Variants in METTL9 observed in about 807,000 individuals in gnomAD.
The protein encoded by METTL9 is protein-L-histidine N-pros-methyltransferase.
In METTL9, 10 loss-of-function variants were observed where a neutral mutation model predicts 36.0. That is an observed-to-expected ratio of 0.28 (90% CI 0.17 to 0.47). The LOEUF (loss-of-function observed/expected upper bound fraction) is 0.47. Among genes scored for constraint, METTL9 ranks in the 20% least tolerant of loss-of-function variants. The pLI, the probability that METTL9 is intolerant of heterozygous loss-of-function variation, is 0.99. For synonymous variants in METTL9, 175 were observed against 149.7 expected (o/e 1.17, Z -1.23); for missense variants, 246 against 383.5 (o/e 0.64, Z 3.00).
intron 4 of METTL9, among the ~76,000 whole-genome samples, chr16:21,632,602 G>A (rs765900753): frequency 6.6e-6 from 1 of 152,160 alleles, no homozygotes; most frequent in Non-Finnish European, 1.5e-5. Flanking sequence ...CGTATTTGAA[G>A]CACTGGTCCC....
intron 4 of METTL9, among the ~76,000 whole-genome samples, chr16:21,649,976 G>T (rs1295466264): frequency 6.6e-6 from 1 of 152,056 alleles, no homozygotes; most frequent in East Asian, 1.9e-4. Context: ...TCCAAATTGG[G>T]TAGTGTTTTT....
chr16:21,622,926 A>G (rs1043668415), intron 3 of METTL9, among the ~76,000 whole-genome samples: 1 of 152,202 alleles, frequency 6.6e-6, no homozygotes, highest in African/African-American at 2.4e-5. Context: ...AATCAAATAT[A>G]TAATTTGTGT....
intron 1 of METTL9, among the ~76,000 whole-genome samples, chr16:21,601,758 T>G (rs1309051500): frequency 2.4e-5 from 3 of 127,078 alleles, no homozygotes; most frequent in Non-Finnish European, 4.9e-5. Context: ...TGTGTGTGTG[T>G]GTGTACCCCT....
Position 21,653,269 on chromosome 16 carries a change from T to TG in METTL9, c.752-1957dup, listed in dbSNP as rs1325405865. ...CCCCTGGCTAATTTTTTTTTTTTTT[T>TG]GTAGATTCTGTGTTGTCTAGGCTAG... On this transcript the variant is annotated intron_variant, in intron 4 of 4. Transcript: ENST00000358154. 4 of 151,792 alleles carry TG rather than the reference T, an allele frequency of 2.6e-5. No homozygotes were observed. The East Asian group carries it at 5.8e-4, about 22-fold the overall frequency. The allele number at this position is 151,792 out of a possible 1,614,324, so 9.4% of individuals were successfully genotyped here. A position where few individuals can be genotyped will look rare whatever the true frequency, so the allele number is the denominator to read the frequency against.
Position 21,655,233 on chromosome 16 carries a change from G to A in METTL9, c.758G>A (p.Gly253Asp), listed in dbSNP as rs1308945604. 4.3e-6 allele frequency: 7 copies of A among 1,613,430 alleles called. No individual in the cohort carries two copies. The highest frequency in any genetic ancestry group is 4.2e-6 in the Non-Finnish European group (5 of 1,179,410). Residue 253 changes from glycine (G) to aspartate (D), a missense_variant, in exon 5 of 5, where the codon GGC (glycine) becomes GAC (aspartate). Transcript: ENST00000358154. ...ATGTTCTTATTTGTATTAGTAGGTGGCAAGTGGGAGAAACCATCAGAAATT... is the reference window on the plus strand; with the variant it reads ...ATGTTCTTATTTGTATTAGTAGGTGACAAGTGGGAGAAACCATCAGAAATT... Reference protein sequence around the residue: ...PFHPYVENVGGKWEKPSEILE... With the variant: ...PFHPYVENVGDKWEKPSEILE...
upstream of METTL9, chr16:21,597,853 G>A (rs931113133): frequency 8.5e-5 from 13 of 153,016 alleles, no homozygotes; most frequent in African/African-American, 3.1e-4. Context: ...AGGACCACTA[G>A]AGGTTTGAAC....
chr16:21,641,817 T>A (rs1966279576), intron 4 of METTL9, among the ~76,000 whole-genome samples: 2 of 152,142 alleles, frequency 1.3e-5, no homozygotes, highest in South Asian at 4.1e-4. Context: ...GTCAAAATCG[T>A]GGCTGGGAGC....
chr16:21,655,210 G>A lies in METTL9; in HGVS notation c.752-17G>A. 6.2e-7 allele frequency: 1 copy of A among 1,605,042 alleles called. No individual in the cohort carries two copies. The highest frequency in any genetic ancestry group is 1.1e-5 in the South Asian group (1 of 90,820). ...TGTTTGTTCAAGAATTTAACTGAAT[G>A]TTCTTATTTGTATTAGTAGGTGGCA... On this transcript the variant is annotated splice_polypyrimidine_tract_variant and intron_variant, in intron 4 of 4. Transcript: ENST00000358154.
chr16:21,603,080 C>T (rs945786785), intron 1 of METTL9, among the ~76,000 whole-genome samples: 6 of 152,084 alleles, frequency 3.9e-5, no homozygotes, highest in African/African-American at 1.2e-4. Flanking sequence ...ACATTTACTA[C>T]GTGGCTTCTT....
At chr16:21,611,042 C>T (rs1447295202) in intron 1 of METTL9, among the ~76,000 whole-genome samples, 1 of 151,718 alleles carries the variant, frequency 6.6e-6, no homozygotes, top group East Asian at 1.9e-4. Context: ...CATTTTCAGA[C>T]CAAGGGAAAA....
chr16:21,635,373 A>T (rs113396490), intron 4 of METTL9, among the ~76,000 whole-genome samples: 8 of 151,926 alleles, frequency 5.3e-5, no homozygotes, highest in African/African-American at 1.9e-4. Flanking sequence ...AGATTAGAGG[A>T]GGATTATCAT....
chr16:21,647,277 C>T, intron 4 of METTL9: 3 of 1,614,146 alleles, frequency 1.9e-6, no homozygotes, highest in Non-Finnish European at 2.5e-6. Flanking sequence ...TCTTTGAGGG[C>T]CTCCCTCACT....
intron 4 of METTL9, chr16:21,647,611 TA>T: frequency 7.9e-7 from 1 of 1,264,772 alleles, no homozygotes; most frequent in South Asian, 1.5e-5. Context: ...AATCCCAATA[TA>T]AATAAGACTA....
At chr16:21,642,933 T>C (rs1966312921) in intron 4 of METTL9, 1 of 572,298 alleles carries the variant, frequency 1.7e-6, no homozygotes, top group Non-Finnish European at 3.1e-6. Context: ...ACAGGTTCTA[T>C]ATAAAAATAC....
At chr16:21,643,504 A>G (rs1408227320) in intron 4 of METTL9, 5 of 1,268,086 alleles carry the variant, frequency 3.9e-6, no homozygotes, top group South Asian at 2.6e-5. Context: ...AATCGTTACA[A>G]CCAGCCACAA....
chr16:21,629,513 C>T (rs1444639248), intron 4 of METTL9, among the ~76,000 whole-genome samples: 22 of 152,258 alleles, frequency 1.4e-4, no homozygotes, highest in Non-Finnish European at 1.5e-5. Flanking sequence ...AATGAAGCTA[C>T]AAACCTTTGC....
intron 4 of METTL9, chr16:21,643,602 C>T (rs1166168006): frequency 6.2e-7 from 1 of 1,601,066 alleles, no homozygotes; most frequent in Non-Finnish European, 8.5e-7. Context: ...ATTTTGACTG[C>T]CAAGAAGAGA....
At chr16:21,655,163 C>T in intron 4 of METTL9, 64 bp from the exon 5 acceptor site, 3 of 1,477,756 alleles carry the variant, frequency 2.0e-6, no homozygotes, top group East Asian at 2.3e-5. Flanking sequence ...TGGCTCCTCC[C>T]TGCTTCCCTC....
chr16:21,605,128 G>A (rs1965238523), intron 1 of METTL9, among the ~76,000 whole-genome samples: 1 of 151,990 alleles, frequency 6.6e-6, no homozygotes, highest in Non-Finnish European at 1.5e-5. Context: ...CCAGCACAGA[G>A]TTAATGGATG....
Sources: gnomAD v4.1 joint callset for allele counts (sites outside exome capture counted in the v4.1 genomes callset) on GRCh38, gnomAD v4.1.1 for gene constraint, MANE v1.5 for transcripts, NCBI Gene and HGNC (gene_info 2026-07-23, HGNC 2026-07-21) for gene names.